DSCAML1: variants seen among roughly 807,000 people sequenced by gnomAD.
The protein encoded by DSCAML1 is DS cell adhesion molecule like 1.
Under a neutral mutation model 200.5 loss-of-function variants are expected in DSCAML1, and 38 were observed. The observed-to-expected ratio is 0.19, with a 90% CI of 0.15 to 0.25. DSCAML1 has a LOEUF of 0.25. Among genes scored for constraint, DSCAML1 ranks in the 10% least tolerant of loss-of-function variants. The probability of loss-of-function intolerance (pLI) is 1.00; values close to 1 mark genes in which losing one functional copy is unlikely to be tolerated. For synonymous variants in DSCAML1, 1,215 were observed against 1,165.0 expected (o/e 1.04, Z -0.87); for missense variants, 2,223 against 2,858.8 (o/e 0.78, Z 5.07).
intron 1 of DSCAML1, among the ~76,000 whole-genome samples, chr11:117,796,391 G>C (rs2055575733): frequency 6.6e-6 from 1 of 152,252 alleles, no homozygotes; most frequent in South Asian, 2.1e-4. Context: ...GCTAAAGCCG[G>C]GGCAGAGGGG....
chr11:117,807,435 C>T (rs544251748), intron 1 of DSCAML1, among the ~76,000 whole-genome samples: 30 of 152,234 alleles, frequency 2.0e-4, no homozygotes, highest in South Asian at 1.5e-3. Context: ...AATGACTCCC[C>T]ACTCCGCCCA....
intron 3 of DSCAML1, among the ~76,000 whole-genome samples, chr11:117,678,348 T>C (rs1430770407): frequency 6.6e-6 from 1 of 152,230 alleles, no homozygotes; most frequent in Admixed American, 6.5e-5. Flanking sequence ...GATTTAGATT[T>C]GTGAACAAGT....
At chr11:117,578,682 AAAATAT>A (rs1015426776) in intron 3 of DSCAML1, among the ~76,000 whole-genome samples, 89 of 152,298 alleles carry the variant, frequency 5.8e-4, no homozygotes, top group Middle Eastern at 3.4e-3. Context: ...AAATCAATAA[AAAATAT>A]AAATATAAAA....
At chr11:117,549,669 C>T (rs891486718) in intron 3 of DSCAML1, among the ~76,000 whole-genome samples, 2 of 152,218 alleles carry the variant, frequency 1.3e-5, no homozygotes, top group African/African-American at 4.8e-5. Flanking sequence ...TCCCATCCAA[C>T]GTCTACATCG....
At position 117,464,122 on chromosome 11, in the gene DSCAML1, C is replaced by T. The variant is rs533655556; in HGVS notation, c.3265+820G>A. 2.3e-3 allele frequency among the ~76,000 whole-genome samples: 356 copies of T among 152,214 alleles called. 1 individual carries two copies. The highest frequency in any genetic ancestry group is 3.7e-3 in the Non-Finnish European group (255 of 68,022). ...ATTCTGCCCTCCGGACTGTTGGTTT[C>T]GCTCTGTTGGGGCGGGGTGGGTAGG... is the stretch of plus-strand genomic sequence containing the variant. On this transcript the variant is annotated intron_variant, in intron 17 of 32. Transcript: ENST00000651296.
chr11:117,778,319 G>A (rs2055169550), intron 2 of DSCAML1, among the ~76,000 whole-genome samples: 1 of 152,208 alleles, frequency 6.6e-6, no homozygotes. Context: ...GAGAACAAGG[G>A]GAATGGACCC....
intron 3 of DSCAML1, among the ~76,000 whole-genome samples, chr11:117,620,945 C>T (rs1365289491): frequency 6.6e-6 from 1 of 152,158 alleles, no homozygotes; most frequent in East Asian, 1.9e-4. Context: ...CATGTAGTAC[C>T]AGGCATACAT....
chr11:117,571,455 T>G (rs1412377264), intron 3 of DSCAML1, among the ~76,000 whole-genome samples: 1 of 152,206 alleles, frequency 6.6e-6, no homozygotes, highest in Non-Finnish European at 1.5e-5. Flanking sequence ...CTGGACTCTG[T>G]CCAGCACTCT....
intron 14 of DSCAML1, among the ~76,000 whole-genome samples, chr11:117,473,856 T>G (rs1384754228): frequency 6.6e-6 from 1 of 152,208 alleles, no homozygotes; most frequent in Non-Finnish European, 1.5e-5. Flanking sequence ...TGCAGGCTCC[T>G]ACCTGCTGTG....
intron 3 of DSCAML1, chr11:117,709,844 A>G: frequency 8.8e-6 from 4 of 452,206 alleles, no homozygotes; most frequent in Non-Finnish European, 1.8e-5. Context: ...GAGGGCAACC[A>G]ATGACCCCTG....
At chr11:117,603,111 A>G (rs1302005964) in intron 3 of DSCAML1, among the ~76,000 whole-genome samples, 1 of 152,114 alleles carries the variant, frequency 6.6e-6, no homozygotes, top group Non-Finnish European at 1.5e-5. Flanking sequence ...ACAAACAACA[A>G]CAACAACAAA....
intron 3 of DSCAML1, among the ~76,000 whole-genome samples, chr11:117,644,359 G>A (rs1238362882): frequency 6.6e-6 from 1 of 152,234 alleles, no homozygotes; most frequent in East Asian, 1.9e-4. Context: ...CTGGTTTTCC[G>A]AGCTGTGCTC....
chr11:117,447,465 A>C (rs1196520914), intron 20 of DSCAML1, among the ~76,000 whole-genome samples: 1 of 150,998 alleles, frequency 6.6e-6, no homozygotes, highest in Non-Finnish European at 1.5e-5. Flanking sequence ...ACTATATACC[A>C]GTGTTTATCT....
intron 1 of DSCAML1, among the ~76,000 whole-genome samples, chr11:117,786,310 C>T (rs997889318): frequency 2.0e-5 from 3 of 152,202 alleles, no homozygotes; most frequent in South Asian, 2.1e-4. Context: ...TCTTCTCTGC[C>T]GTTTAACATT....
chr11:117,483,523 T>G (rs2048973257), intron 11 of DSCAML1, among the ~76,000 whole-genome samples: 1 of 152,164 alleles, frequency 6.6e-6, no homozygotes, highest in South Asian at 2.1e-4. Context: ...TGTTTGAAAC[T>G]CCTATGATCT....
rs568723181 is a variant in DSCAML1 at position 117,470,303 on chromosome 11, C to T, written c.2954-323G>A. 1.1e-3 allele frequency among the ~76,000 whole-genome samples: 174 copies of T among 152,130 alleles called. 2 individuals are homozygous for T. Among genetic ancestry groups the T allele is most frequent in the African/African-American group, 2.4e-3 (99 of 41,482 alleles). On this transcript the variant is annotated intron_variant, in intron 15 of 32. Coordinates refer to ENST00000651296, the MANE Select transcript of DSCAML1 (RefSeq NM_020693.4). ...CATAAAAGAATGTCTAGGCCGGGCG[C>T]GGTGGCTCACACCTGTAATCCCAGC... is the stretch of plus-strand genomic sequence containing the variant.
chr11:117,657,697 T>C (rs918769516), intron 3 of DSCAML1, among the ~76,000 whole-genome samples: 5 of 152,188 alleles, frequency 3.3e-5, no homozygotes, highest in Non-Finnish European at 5.9e-5. Context: ...TGGAAGCTGG[T>C]AGGACACACA....
At chr11:117,730,324 G>C (rs1429581799) in intron 3 of DSCAML1, among the ~76,000 whole-genome samples, 1 of 152,114 alleles carries the variant, frequency 6.6e-6, no homozygotes, top group African/African-American at 2.4e-5. Context: ...AAGGACAGTG[G>C]GTAGCTTCTC....
Position 117,437,510 on chromosome 11 carries a change from G to T in DSCAML1, c.4433-101C>A, listed in dbSNP as rs1316312485. 2.2e-6 allele frequency: 3 copies of T among 1,376,466 alleles called. No individual in the cohort carries two copies. The highest frequency in any genetic ancestry group is 2.3e-5 in the East Asian group (1 of 43,458). The allele number at this position is 1,376,466 out of a possible 1,614,324, so 85.3% of individuals were successfully genotyped here. A position where few individuals can be genotyped will look rare whatever the true frequency, so the allele number is the denominator to read the frequency against. On this transcript the variant is annotated intron_variant, in intron 25 of 32. Transcript: ENST00000651296. This position sits in a 1 kb window ranked among gnomAD's most constrained non-coding sequence, Gnocchi z 5.3. ...GGATTTCCCTGGGGCAGCTGGGATG[G>T]CAGTGGCTCCAGGAGAATACATGTT... is the stretch of plus-strand genomic sequence containing the variant.
Sources: gnomAD v4.1 joint callset for allele counts (sites outside exome capture counted in the v4.1 genomes callset) on GRCh38, gnomAD v4.1.1 for gene constraint, Gnocchi (gnomAD v3.1) non-coding constraint, MANE v1.5 for transcripts, NCBI Gene and HGNC (gene_info 2026-07-23, HGNC 2026-07-21) for gene names.